The following CWH43 variants were observed in gnomAD, a reference collection of about 807,000 sequenced individuals.
CWH43 encodes PGAP2-interacting protein.
CWH43 carries 91 observed loss-of-function variants against 85.7 expected under a neutral mutation model. That is an observed-to-expected ratio of 1.06 (90% CI 0.90 to 1.26). The LOEUF (loss-of-function observed/expected upper bound fraction) is 1.26. CWH43 is among the 50% of genes most tolerant of loss of function. The pLI is 0.00. For missense variants in CWH43, 869 were observed against 839.2 expected, an observed-to-expected ratio of 1.04 and a Z score of -0.44; for synonymous variants, 323 against 293.6, an observed-to-expected ratio of 1.10 and a Z score of -1.02.
chr4:49,041,400 T>C (rs1462106424), intron 13 of CWH43, among the ~76,000 whole-genome samples: 1 of 152,206 alleles, frequency 6.6e-6, no homozygotes, highest in Non-Finnish European at 1.5e-5. Flanking sequence ...TCCATTTGTT[T>C]GTATCCTCTT....
chr4:48,990,977 AC>A (rs1348697393), intron 2 of CWH43, among the ~76,000 whole-genome samples: 1 of 152,248 alleles, frequency 6.6e-6, no homozygotes, highest in African/African-American at 2.4e-5. Context: ...GATACATGCT[AC>A]AACCTGGATG....
At chr4:48,991,083 G>A (rs549266944) in intron 2 of CWH43, among the ~76,000 whole-genome samples, 1 of 152,072 alleles carries the variant, frequency 6.6e-6, no homozygotes, top group South Asian at 2.1e-4. Context: ...GGAAAAATTC[G>A]CAGAGACAGA....
At chr4:49,050,523 G>T (rs116213051) in intron 14 of CWH43, among the ~76,000 whole-genome samples, 171 bp from the exon 15 acceptor site, 2,406 of 152,226 alleles carry the variant, frequency 0.016, 31 homozygotes, top group Non-Finnish European at 0.023. Context: ...TATCATAAAA[G>T]CAATATTTTG....
chr4:48,998,246 C>A (rs768259187), intron 5 of CWH43, among the ~76,000 whole-genome samples: 1 of 152,178 alleles, frequency 6.6e-6, no homozygotes, highest in Non-Finnish European at 1.5e-5. Context: ...GATAAGTTGG[C>A]AGATATCATT....
rs138713427 is a variant in CWH43, at chr4:48,990,430, G to T, written c.236-1024G>T. On this transcript the variant is annotated intron_variant, in intron 2 of 15. Transcript: ENST00000226432. ...AAACTCCCTTCAAATACTTCTTAAG[G>T]ACATGAAACAACTTTGTTTTTAGAG... 2.4e-3 allele frequency among the ~76,000 whole-genome samples: 361 copies of T among 152,168 alleles called. 2 individuals carry two copies. The highest frequency in any genetic ancestry group is 8.5e-3 in the African/African-American group (351 of 41,530).
rs189912396 is a variant in CWH43 at position 48,995,103 on chromosome 4, A to T, written c.713+283A>T. Among the ~76,000 whole-genome samples the T allele has an allele frequency of 1.1e-4, 17 of 152,332 alleles. No homozygotes were observed. In the East Asian group the frequency reaches 3.1e-3, roughly 28 times the overall value. ...AGCTCCAGCATAGGCATCTCGAGGA[A>T]TGCCTGCACAGAAGAGCATTCTCAG... On this transcript the variant is annotated intron_variant, in intron 5 of 15. Coordinates refer to ENST00000226432, the MANE Select transcript of CWH43 (RefSeq NM_025087.3).
At chr4:49,030,783 C>T (rs1476168273) in intron 10 of CWH43, 42 bp from the exon 11 acceptor site, 1 of 1,497,148 alleles carries the variant, frequency 6.7e-7, no homozygotes, top group Non-Finnish European at 8.9e-7. Flanking sequence ...TTTTGCCTTG[C>T]TGTGATTCAT....
chr4:48,998,363 A>C (rs1782881528), intron 5 of CWH43, 97 bp from the exon 6 acceptor site: 1 of 920,748 alleles, frequency 1.1e-6, no homozygotes, highest in African/African-American at 1.6e-5. Context: ...GTTATCTCTT[A>C]TATGTACCCA....
intron 14 of CWH43, among the ~76,000 whole-genome samples, chr4:49,050,320 A>T (rs1784753487): frequency 6.6e-6 from 1 of 152,198 alleles, no homozygotes; most frequent in South Asian, 2.1e-4. Flanking sequence ...TGCATGTGGC[A>T]TTTGGATTTT....
intron 15 of CWH43, among the ~76,000 whole-genome samples, chr4:49,058,088 A>T (rs1300821589): frequency 6.6e-6 from 1 of 152,142 alleles, no homozygotes; most frequent in Non-Finnish European, 1.5e-5. Flanking sequence ...ATCCATTTAC[A>T]TTTAAAGTAA....
chr4:49,048,787 A>G (rs1486188610), intron 14 of CWH43, among the ~76,000 whole-genome samples: 1 of 152,176 alleles, frequency 6.6e-6, no homozygotes, highest in African/African-American at 2.4e-5. Flanking sequence ...ACTGGGGGTT[A>G]GAGCTTCAAC....
At chr4:49,020,992 C>T (rs1225756189) in intron 9 of CWH43, among the ~76,000 whole-genome samples, 4 of 152,130 alleles carry the variant, frequency 2.6e-5, no homozygotes, top group Non-Finnish European at 4.4e-5. Flanking sequence ...AGATTTCCCC[C>T]TACTTTGTGA....
chr4:49,033,595 G>A (rs1394599106), intron 12 of CWH43, among the ~76,000 whole-genome samples: 1 of 152,172 alleles, frequency 6.6e-6, no homozygotes, highest in Non-Finnish European at 1.5e-5. Flanking sequence ...AGTAAAGAAT[G>A]GGGAGAGAGG....
chr4:49,061,655 G>A (rs534829007), intron 15 of CWH43, among the ~76,000 whole-genome samples, 157 bp from the exon 16 acceptor site: 282 of 152,182 alleles, frequency 1.9e-3, no homozygotes, highest in Middle Eastern at 3.4e-3. Context: ...AGAGGACTTT[G>A]GGGGTTAAAA....
intron 9 of CWH43, among the ~76,000 whole-genome samples, chr4:49,022,703 A>T (rs1324482793): frequency 2.6e-5 from 4 of 151,934 alleles, no homozygotes; most frequent in Non-Finnish European, 5.9e-5. Flanking sequence ...TAGCAATTTT[A>T]AATTGCCATT....
chr4:49,047,364 G>T (rs3886453), intron 14 of CWH43, among the ~76,000 whole-genome samples: 327 of 152,302 alleles, frequency 2.1e-3, no homozygotes, highest in African/African-American at 7.4e-3. Context: ...CTCTATGCTG[G>T]TGGAGGGAGG....
At chr4:49,056,778 G>A (rs1784978730) in intron 15 of CWH43, among the ~76,000 whole-genome samples, 1 of 151,840 alleles carries the variant, frequency 6.6e-6, no homozygotes, top group Non-Finnish European at 1.5e-5. Flanking sequence ...CTTAAGGTAG[G>A]TGTTTATTGC....
chr4:49,053,962 T>C lies in CWH43; in HGVS notation c.2021+3113T>C, dbSNP rs141609852. Among the ~76,000 whole-genome samples the C allele has an allele frequency of 5.3e-5, 8 of 152,274 alleles. No individual in the cohort carries two copies. In the East Asian group the frequency reaches 1.5e-3, roughly 29 times the overall value. On this transcript the variant is annotated intron_variant, in intron 15 of 15. Transcript: ENST00000226432. ...TAAATATATTCTCTCATCCCATAGG[T>C]TGTCTCTTCAGTCTGTTGATTGTTT...
At chr4:49,041,844 A>G (rs190384518) in intron 13 of CWH43, among the ~76,000 whole-genome samples, 1 of 152,328 alleles carries the variant, frequency 6.6e-6, no homozygotes, top group Non-Finnish European at 1.5e-5. Context: ...GGCAAGTCCC[A>G]GAAACTGATC....
Sources: gnomAD v4.1 joint callset for allele counts (sites outside exome capture counted in the v4.1 genomes callset) on GRCh38, gnomAD v4.1.1 for gene constraint, MANE v1.5 for transcripts, NCBI Gene and HGNC (gene_info 2026-07-23, HGNC 2026-07-21) for gene names.